GFM1: variants seen among roughly 807,000 people sequenced by gnomAD.
GFM1 encodes the protein elongation factor G, mitochondrial.
In GFM1, 62 loss-of-function variants were observed where a neutral mutation model predicts 96.2. The observed-to-expected ratio is 0.64, with a 90% CI of 0.53 to 0.80. GFM1 has a LOEUF of 0.80. Among genes scored for constraint, GFM1 ranks in the 30% least tolerant of loss-of-function variants. The probability of loss-of-function intolerance (pLI) is 0.00; values close to 1 mark genes in which losing one functional copy is unlikely to be tolerated. For missense variants in GFM1, 852 were observed against 916.6 expected (o/e 0.93, Z 0.91); for synonymous variants, 282 against 312.9 (o/e 0.90, Z 1.04).
rs1724904793 is a variant in GFM1 at position 158,676,441 on chromosome 3, AT to A, written c.1602-5550del. Among the ~76,000 whole-genome samples, 3 of 152,292 alleles carry A rather than the reference AT, an allele frequency of 2.0e-5. No homozygotes were observed. The South Asian group carries it at 6.2e-4, about 32-fold the overall frequency. On this transcript the variant is annotated intron_variant, in intron 13 of 17. Transcript: ENST00000486715. The stretch of plus-strand genomic sequence containing the variant: ...ATATATATGTACACACAAGATATGA[AT>A]TTTATTAGTTTGTTAGAATGGTAAT...
Position 158,652,157 on chromosome 3 carries a change from C to T in GFM1, c.751C>T (p.Gln251Ter). 2 of 1,613,866 alleles carry T rather than the reference C, an allele frequency of 1.2e-6. No individual in the cohort carries two copies. Among genetic ancestry groups the T allele is most frequent in the Non-Finnish European group, 1.7e-6 (2 of 1,179,766 alleles). The change falls in exon 6 of 18, where the codon CAG becomes TAG. Residue 251 changes from glutamine to a stop codon, truncating the protein, a stop_gained. Coordinates refer to ENST00000486715, the MANE Select transcript of GFM1 (RefSeq NM_024996.7). LOFTEE classifies it high-confidence loss of function. ...ELRAAATDHR[Q>*]ELIECVANSD... Reference sequence around the variant, plus strand: ...AAGGGCGGCGGCCACTGACCACCGGCAGGAGCTAATTGAATGTGTTGCCAA... The same window carrying T: ...AAGGGCGGCGGCCACTGACCACCGGTAGGAGCTAATTGAATGTGTTGCCAA...
intron 4 of GFM1, among the ~76,000 whole-genome samples, chr3:158,647,835 G>A (rs1721956606): frequency 6.6e-6 from 1 of 151,894 alleles, no homozygotes. Context: ...GATTACTTTG[G>A]TTCATTCTTT....
At chr3:158,682,710 T>C (rs9873186) in intron 14 of GFM1, among the ~76,000 whole-genome samples, 63,158 of 152,028 alleles carry the variant, frequency 0.42, 14,273 homozygotes, top group African/African-American at 0.6. Flanking sequence ...GTGTTTTGTT[T>C]GCTTTCCAGT....
intron 13 of GFM1, among the ~76,000 whole-genome samples, chr3:158,675,311 C>CGGG (rs1724795227): frequency 3.3e-5 from 1 of 29,966 alleles, no homozygotes; most frequent in Non-Finnish European, 6.3e-5. Context: ...AAAAAAAAAA[C>CGGG]AAGTTTTCAA....
chr3:158,691,491 A>C lies in GFM1; in HGVS notation c.*24A>C, dbSNP rs368625967. 6.2e-6 allele frequency: 10 copies of C among 1,612,096 alleles called. No individual in the cohort carries two copies. The highest frequency in any genetic ancestry group is 8.5e-6 in the Non-Finnish European group (10 of 1,179,066). On this transcript the variant is annotated 3_prime_UTR_variant, in exon 18 of 18. Transcript: ENST00000486715. ...AACTTTGCTTACTGTGAGTTGACTG[A>C]CTCTAATTGAATCTGCGTGGTTTTG... is the stretch of plus-strand genomic sequence containing the variant.
In GFM1 at chr3:158,660,248, C is replaced by CTT. The variant is rs111424383; in HGVS notation, c.1222-612_1222-611dup. 402 of 135,426 alleles carry CTT rather than the reference C, an allele frequency of 3.0e-3. 1 individual carries two copies. The highest frequency in any genetic ancestry group is 1.0e-2 in the African/African-American group (360 of 36,082). 8.4% of individuals were successfully genotyped at this position (135,426 alleles called of 1,614,324 possible). A position where few individuals can be genotyped will look rare whatever the true frequency, so the allele number is the denominator to read the frequency against. On this transcript the variant is annotated intron_variant, in intron 9 of 17. Coordinates refer to ENST00000486715, the MANE Select transcript of GFM1 (RefSeq NM_024996.7). ...CTGCGGCAACATATATAGTACATGC[C>CTT]TTTTTTTTTTTTTTTGAGATGGAGT...
chr3:158,658,794 T>G, intron 8 of GFM1, 128 bp from the exon 9 acceptor site: 1 of 961,562 alleles, frequency 1.0e-6, no homozygotes, highest in Non-Finnish European at 1.6e-6. Context: ...GACAATAAAC[T>G]GAAATATGTA....
rs562361548 is a variant in GFM1 at position 158,664,194 on chromosome 3, G to T, written c.1381-1143G>T. ...TAAATGATAGCTGTTAATATTGGTT[G>T]TACTGGGCATGTTAGTTTTCTATTG... On this transcript the variant is annotated intron_variant, in intron 11 of 17. Coordinates refer to ENST00000486715, the MANE Select transcript of GFM1 (RefSeq NM_024996.7). 2.0e-5 allele frequency among the ~76,000 whole-genome samples: 3 copies of T among 152,332 alleles called. No homozygotes were observed. In the East Asian group the frequency reaches 5.8e-4, roughly 29 times the overall value.
intron 15 of GFM1, among the ~76,000 whole-genome samples, chr3:158,687,863 A>T (rs1490286363): frequency 6.6e-6 from 1 of 152,274 alleles, no homozygotes; most frequent in African/African-American, 2.4e-5. Context: ...TATCCTGATT[A>T]AAAAAAGACA....
chr3:158,672,979 C>G (rs1293493434), intron 13 of GFM1, among the ~76,000 whole-genome samples: 2 of 152,206 alleles, frequency 1.3e-5, no homozygotes, highest in African/African-American at 2.4e-5. Context: ...TCCTTATACA[C>G]CGCATGCAGC....
intron 13 of GFM1, chr3:158,669,706 G>T: frequency 8.2e-7 from 1 of 1,212,652 alleles, no homozygotes. Context: ...GCTCCTAATG[G>T]TGTTGTTTTA....
At chr3:158,667,464 A>G (rs983171970) in intron 13 of GFM1, among the ~76,000 whole-genome samples, 12 of 152,318 alleles carry the variant, frequency 7.9e-5, no homozygotes, top group African/African-American at 2.9e-4. Flanking sequence ...AAAGAATCCA[A>G]TTTTATAACA....
At chr3:158,690,752 GCCT>G (rs1217992524) in intron 16 of GFM1, among the ~76,000 whole-genome samples, 1 of 152,030 alleles carries the variant, frequency 6.6e-6, no homozygotes, top group Non-Finnish European at 1.5e-5. Context: ...ATTTCATAAG[GCCT>G]CCTGGAAAAC....
At chr3:158,655,261 G>A (rs969815873) in intron 8 of GFM1, among the ~76,000 whole-genome samples, 1 of 151,944 alleles carries the variant, frequency 6.6e-6, no homozygotes, top group Non-Finnish European at 1.5e-5. Flanking sequence ...CAAGGCGGGC[G>A]GATCACAAGG....
chr3:158,646,720 C>G, intron 3 of GFM1, 23 bp from the exon 4 acceptor site: 1 of 1,597,428 alleles, frequency 6.3e-7, no homozygotes, highest in Non-Finnish European at 8.6e-7. Flanking sequence ...CTTTAAGACC[C>G]TCTCATACTT....
At chr3:158,647,038 T>A in intron 4 of GFM1, 91 bp downstream of exon 4, 1 of 1,011,816 alleles carries the variant, frequency 9.9e-7, no homozygotes, top group Non-Finnish European at 1.5e-6. Flanking sequence ...GTCATTAAAC[T>A]TTATTCTTAA....
chr3:158,653,884 A>T (rs1722507233), intron 7 of GFM1, among the ~76,000 whole-genome samples: 1 of 152,130 alleles, frequency 6.6e-6, no homozygotes, highest in Non-Finnish European at 1.5e-5. Flanking sequence ...CAGCCTGACC[A>T]ACATGGAGAA....
Position 158,652,944 on chromosome 3 carries a change from C to T in GFM1, c.841-366C>T, listed in dbSNP as rs1176413475. ...ACCATTCCATAGGCTTTTGGTTTTG[C>T]GTATATATTACTTTTTCCTCTATTT... On this transcript the variant is annotated intron_variant, in intron 6 of 17. Coordinates refer to ENST00000486715, the MANE Select transcript of GFM1 (RefSeq NM_024996.7). Among the ~76,000 whole-genome samples, 5 of 151,908 alleles carry T rather than the reference C, an allele frequency of 3.3e-5. No homozygotes were observed. In the East Asian group the frequency reaches 5.8e-4, roughly 18 times the overall value.
intron 2 of GFM1, 185 bp downstream of exon 2, chr3:158,645,966 A>G (rs1404566110): frequency 1.2e-6 from 1 of 825,926 alleles, no homozygotes; most frequent in South Asian, 1.6e-5. Flanking sequence ...TTTATTTTTT[A>G]TAGAAGAGGT....
Sources: allele counts gnomAD v4.1 joint callset (sites outside exome capture counted in the v4.1 genomes callset), GRCh38; gene constraint gnomAD v4.1.1; transcripts MANE v1.5; gene names NCBI Gene and HGNC (gene_info 2026-07-23, HGNC 2026-07-21).